The following KIAA0586 variants were observed in gnomAD, a reference collection of about 807,000 sequenced individuals.
The protein encoded by KIAA0586 is protein TALPID3.
Under a neutral mutation model 169.8 loss-of-function variants are expected in KIAA0586, and 144 were observed. The observed-to-expected ratio is 0.85, with a 90% CI of 0.74 to 0.97. KIAA0586 has a LOEUF of 0.97. Ranked by LOEUF, KIAA0586 falls within the 50% of genes least tolerant of loss-of-function variation. The pLI is 0.00. For synonymous variants in KIAA0586, 625 were observed against 612.4 expected (o/e 1.02, Z -0.30); for missense variants, 1,854 against 1,823.0 (o/e 1.02, Z -0.31).
At chr14:58,511,611 A>G (rs1016173861) in intron 28 of KIAA0586, among the ~76,000 whole-genome samples, 21 of 152,172 alleles carry the variant, frequency 1.4e-4, no homozygotes, top group Admixed American at 1.4e-3. Flanking sequence ...AGAAATACAC[A>G]CCAAGATAAT....
intron 29 of KIAA0586, among the ~76,000 whole-genome samples, chr14:58,534,944 T>C (rs2046192824): frequency 6.6e-6 from 1 of 152,202 alleles, no homozygotes; most frequent in Non-Finnish European, 1.5e-5. Context: ...TACAGTACAC[T>C]TGTGGAAGCA....
Position 58,498,828 on chromosome 14 carries a change from C to T in KIAA0586, c.4036C>T (p.Gln1346Ter). ...TGAACTTAGTGAAGGACAAAGACCC[C>T]AGCTAACAGCGGCAGCAGAGAACAT... ...VGELSEGQRP[Q>*]LTAAAENILM... Residue 1346 changes from glutamine to a stop codon, truncating the protein, a stop_gained, in exon 27 of 31, where the codon CAG becomes TAG. Coordinates refer to ENST00000652326, the MANE Select transcript of KIAA0586 (RefSeq NM_001329943.3). LOFTEE classifies it high-confidence loss of function. 6.2e-7 allele frequency: 1 copy of T among 1,611,252 alleles called. No individual in the cohort carries two copies. The highest frequency in any genetic ancestry group is 8.5e-7 in the Non-Finnish European group (1 of 1,178,786).
At chr14:58,501,041 G>A (rs1417157104) in intron 27 of KIAA0586, among the ~76,000 whole-genome samples, 1 of 152,216 alleles carries the variant, frequency 6.6e-6, no homozygotes, top group Non-Finnish European at 1.5e-5. Flanking sequence ...TTGCAAATAT[G>A]TAATTTACAA....
chr14:58,530,504 A>G (rs1022610684), intron 29 of KIAA0586, among the ~76,000 whole-genome samples: 1 of 152,186 alleles, frequency 6.6e-6, no homozygotes, highest in African/African-American at 2.4e-5. Context: ...ATATAGACCA[A>G]TGGAACAAAA....
chr14:58,443,132 GA>G (rs1237333117), intron 5 of KIAA0586, among the ~76,000 whole-genome samples: 1 of 152,210 alleles, frequency 6.6e-6, no homozygotes, highest in Non-Finnish European at 1.5e-5. Context: ...TACATCCTGG[GA>G]AACACCTTGG....
intron 29 of KIAA0586, 39 bp from the exon 30 acceptor site, chr14:58,540,032 T>C: frequency 3.3e-6 from 4 of 1,200,516 alleles, no homozygotes; most frequent in South Asian, 1.3e-5. Flanking sequence ...ATTTCTATGC[T>C]TAACTGATTT....
intron 29 of KIAA0586, among the ~76,000 whole-genome samples, chr14:58,518,276 CT>C (rs2044910528): frequency 6.6e-6 from 1 of 151,962 alleles, no homozygotes; most frequent in Admixed American, 6.6e-5. Flanking sequence ...ACATCTTTTT[CT>C]TATATTAACA....
At chr14:58,504,509 T>G (rs914396649) in intron 27 of KIAA0586, among the ~76,000 whole-genome samples, 7 of 152,216 alleles carry the variant, frequency 4.6e-5, no homozygotes, top group Non-Finnish European at 1.0e-4. Flanking sequence ...CCATTAGATA[T>G]GCCGGACCAA....
At chr14:58,454,400 C>T (rs187741663) in intron 9 of KIAA0586, among the ~76,000 whole-genome samples, 9 of 152,088 alleles carry the variant, frequency 5.9e-5, no homozygotes, top group African/African-American at 1.9e-4. Context: ...ATAATTATTA[C>T]TTGATGCAGC....
the KIAA0586 span, among the ~76,000 whole-genome samples, chr14:58,559,266 T>G: frequency 5.3e-4 from 80 of 152,236 alleles, no homozygotes; most frequent in Middle Eastern, 6.8e-3. Flanking sequence ...GTAGCTCTCT[T>G]CTTTATGCGA....
chr14:58,553,051 G>A (rs749683833), downstream of KIAA0586, among the ~76,000 whole-genome samples: 6 of 152,058 alleles, frequency 3.9e-5, no homozygotes, highest in African/African-American at 7.2e-5. Context: ...ATTTCCTTTG[G>A]TCACATTCCC....
intron 27 of KIAA0586, among the ~76,000 whole-genome samples, chr14:58,501,423 C>T (rs941658537): frequency 6.6e-6 from 1 of 152,278 alleles, no homozygotes; most frequent in Non-Finnish European, 1.5e-5. Flanking sequence ...AGGTGGCTCT[C>T]GCAGATCACT....
chr14:58,446,763 A>G (rs1216560062), intron 6 of KIAA0586, among the ~76,000 whole-genome samples: 1 of 152,166 alleles, frequency 6.6e-6, no homozygotes, highest in East Asian at 1.9e-4. Context: ...TATGCATACC[A>G]AGTAAAGTTT....
At chr14:58,455,671 C>CGT (rs113621863) in intron 9 of KIAA0586, among the ~76,000 whole-genome samples, 45,565 of 150,030 alleles carry the variant, frequency 0.3, 7,172 homozygotes, top group South Asian at 0.43. Flanking sequence ...CCATGGATTA[C>CGT]GTGTGTGTGT....
At chr14:58,555,483 C>G (rs895879399), downstream of KIAA0586, among the ~76,000 whole-genome samples, 10 of 152,114 alleles carry the variant, frequency 6.6e-5, no homozygotes, top group Admixed American at 3.9e-4. Context: ...ACTTAATGAC[C>G]TGGATAGTTG....
At chr14:58,438,492 G>A (rs1395092901) in intron 4 of KIAA0586, among the ~76,000 whole-genome samples, 3 of 152,142 alleles carry the variant, frequency 2.0e-5, no homozygotes, top group African/African-American at 7.2e-5. Flanking sequence ...TGTTTGGTAT[G>A]AAAGAAGTCC....
intron 8 of KIAA0586, among the ~76,000 whole-genome samples, 182 bp from the exon 9 acceptor site, chr14:58,453,168 C>T (rs2039543032): frequency 6.6e-6 from 1 of 152,018 alleles, no homozygotes; most frequent in Non-Finnish European, 1.5e-5. Context: ...ATCCACCCAC[C>T]TCAGCCTCCC....
At chr14:58,540,245 A>T in intron 30 of KIAA0586, 109 bp downstream of exon 30, 1 of 621,756 alleles carries the variant, frequency 1.6e-6, no homozygotes, top group Non-Finnish European at 2.8e-6. Context: ...ACTAATAGCA[A>T]TTTTTAATTC....
chr14:58,506,788 T>A (rs1241602603), intron 27 of KIAA0586, among the ~76,000 whole-genome samples: 1 of 152,156 alleles, frequency 6.6e-6, no homozygotes, highest in African/African-American at 2.4e-5. Flanking sequence ...GATTATTTGC[T>A]ATATCTAGGA....
Sources: gnomAD v4.1 joint callset for allele counts (sites outside exome capture counted in the v4.1 genomes callset) on GRCh38, gnomAD v4.1.1 for gene constraint, MANE v1.5 for transcripts, NCBI Gene and HGNC (gene_info 2026-07-23, HGNC 2026-07-21) for gene names.